ARHGAP15: variants seen among roughly 807,000 people sequenced by gnomAD.
The protein encoded by ARHGAP15 is Rho GTPase activating protein 15.
Under a neutral mutation model 63.7 loss-of-function variants are expected in ARHGAP15, and 51 were observed. That is an observed-to-expected ratio of 0.80 (90% CI 0.64 to 1.01). ARHGAP15 has a LOEUF of 1.01. ARHGAP15 is among the 50% of genes least tolerant of loss of function. The pLI, the probability that ARHGAP15 is intolerant of heterozygous loss-of-function variation, is 0.00. For synonymous variants in ARHGAP15, 191 were observed against 193.8 expected (o/e 0.99, Z 0.12); for missense variants, 560 against 564.6 (o/e 0.99, Z 0.08).
intron 6 of ARHGAP15, among the ~76,000 whole-genome samples, chr2:143,252,281 T>A (rs1235107441): frequency 6.6e-6 from 1 of 151,992 alleles, no homozygotes; most frequent in East Asian, 1.9e-4. Flanking sequence ...ACTATGAACA[T>A]TATATGCACA....
intron 2 of ARHGAP15, among the ~76,000 whole-genome samples, chr2:143,178,738 C>T (rs1691108201): frequency 6.6e-6 from 1 of 152,178 alleles, no homozygotes; most frequent in African/African-American, 2.4e-5. Context: ...GGATTATAGG[C>T]ATAAGCCACT....
At chr2:143,473,275 T>C (rs1314547886) in intron 8 of ARHGAP15, among the ~76,000 whole-genome samples, 4 of 152,222 alleles carry the variant, frequency 2.6e-5, no homozygotes, top group Non-Finnish European at 5.9e-5. Flanking sequence ...CCCTCTGCTT[T>C]CCTTAGCCAT....
At chr2:143,173,097 A>G (rs1363238392) in intron 2 of ARHGAP15, among the ~76,000 whole-genome samples, 1 of 152,042 alleles carries the variant, frequency 6.6e-6, no homozygotes, top group Admixed American at 6.6e-5. Flanking sequence ...ACACACAAAC[A>G]CTTAGGTAAC....
At chr2:143,413,927 T>TTGTGTGTGTGTGTGTGTG (rs1553476588) in intron 6 of ARHGAP15, among the ~76,000 whole-genome samples, 8 of 128,046 alleles carry the variant, frequency 6.2e-5, no homozygotes, top group South Asian at 3.0e-4. Context: ...AGGTAGGTAG[T>TTGTGTGTGTGTGTGTGTG]TGTGTGTGTG....
chr2:143,719,182 A>C (rs1433827441), intron 13 of ARHGAP15, among the ~76,000 whole-genome samples: 3 of 152,228 alleles, frequency 2.0e-5, no homozygotes, highest in Non-Finnish European at 4.4e-5. Context: ...GATGGTCAAT[A>C]GACGCCTCTT....
chr2:143,214,558 G>T (rs900171186), intron 3 of ARHGAP15, among the ~76,000 whole-genome samples: 2 of 152,062 alleles, frequency 1.3e-5, no homozygotes, highest in African/African-American at 4.8e-5. Context: ...AAACAAAAAG[G>T]CACCAGTGAA....
At chr2:143,400,880 G>T (rs1164415149) in intron 6 of ARHGAP15, among the ~76,000 whole-genome samples, 3 of 151,964 alleles carry the variant, frequency 2.0e-5, no homozygotes, top group Non-Finnish European at 2.9e-5. Context: ...ATTGATTTTT[G>T]AGTACATTTC....
intron 6 of ARHGAP15, among the ~76,000 whole-genome samples, chr2:143,284,728 C>T (rs565801590): frequency 1.3e-5 from 2 of 152,180 alleles, no homozygotes; most frequent in Non-Finnish European, 2.9e-5. Context: ...AAACATCACA[C>T]ATTGTAAATC....
At chr2:143,342,845 A>G (rs1460911107) in intron 6 of ARHGAP15, among the ~76,000 whole-genome samples, 2 of 152,066 alleles carry the variant, frequency 1.3e-5, no homozygotes, top group African/African-American at 4.8e-5. Flanking sequence ...CCCTAACAAT[A>G]ATATTGACAA....
In ARHGAP15 at chr2:143,157,641, G is replaced by A. The variant is rs573505200; in HGVS notation, c.165+1986G>A. ...TTTAGTGAGGATGTGTCATTTCACC[G>A]AGAAAACTTGGCTCAGAGATACTGT... is the stretch of plus-strand genomic sequence containing the variant. On this transcript the variant is annotated intron_variant, in intron 2 of 13. Transcript: ENST00000295095. Among the ~76,000 whole-genome samples the A allele has an allele frequency of 9.3e-5, 14 of 151,282 alleles. No homozygotes were observed. In the South Asian group the frequency reaches 2.3e-3, roughly 25 times the overall value.
chr2:143,712,472 T>C (rs1684624203), intron 13 of ARHGAP15, among the ~76,000 whole-genome samples: 1 of 152,028 alleles, frequency 6.6e-6, no homozygotes. Context: ...GAGTTGTTGG[T>C]TTAAAGATGG....
intron 12 of ARHGAP15, among the ~76,000 whole-genome samples, chr2:143,660,063 T>C (rs1471573117): frequency 6.6e-6 from 1 of 152,208 alleles, no homozygotes; most frequent in South Asian, 2.1e-4. Flanking sequence ...GATGTGAGTC[T>C]CAAATGTTTT....
intron 6 of ARHGAP15, among the ~76,000 whole-genome samples, chr2:143,333,508 A>C (rs2105265216): frequency 6.6e-6 from 1 of 152,324 alleles, no homozygotes; most frequent in African/African-American, 2.4e-5. Flanking sequence ...CTTTTGGAGA[A>C]AGCAGGAAAT....
chr2:143,475,549 G>A (rs550315456), intron 8 of ARHGAP15, among the ~76,000 whole-genome samples: 1 of 152,356 alleles, frequency 6.6e-6, no homozygotes, highest in South Asian at 2.1e-4. Flanking sequence ...AAAGGCAAGG[G>A]AGGCTACCAC....
intron 2 of ARHGAP15, among the ~76,000 whole-genome samples, chr2:143,189,299 A>G (rs1442446879): frequency 6.6e-6 from 1 of 152,056 alleles, no homozygotes; most frequent in Non-Finnish European, 1.5e-5. Flanking sequence ...TTCTGTAACT[A>G]TATGGTCCTT....
At chr2:143,363,548 T>C (rs1686156898) in intron 6 of ARHGAP15, among the ~76,000 whole-genome samples, 1 of 152,184 alleles carries the variant, frequency 6.6e-6, no homozygotes, top group African/African-American at 2.4e-5. Flanking sequence ...GTTCTTTATA[T>C]AGTTTTCTTC....
At chr2:143,644,904 A>C (rs1281559996) in intron 12 of ARHGAP15, among the ~76,000 whole-genome samples, 1 of 151,988 alleles carries the variant, frequency 6.6e-6, no homozygotes, top group Admixed American at 6.6e-5. Context: ...AACAACTCAG[A>C]CCCCTTCTAT....
In ARHGAP15 at chr2:143,195,615, G is replaced by A. The variant is rs373926315; in HGVS notation, c.166-6519G>A. Among the ~76,000 whole-genome samples, 11 of 152,262 alleles carry A rather than the reference G, an allele frequency of 7.2e-5. No individual in the cohort carries two copies. The East Asian group carries it at 2.1e-3, about 29-fold the overall frequency. On this transcript the variant is annotated intron_variant, in intron 2 of 13. Transcript: ENST00000295095. ...GGATACACCAAAAAAACTTTTAAGAGACTGTAGAGATAAAAACTAAACTTA... is the reference window on the plus strand; with the variant it reads ...GGATACACCAAAAAAACTTTTAAGAAACTGTAGAGATAAAAACTAAACTTA...
In ARHGAP15 at chr2:143,415,777, T is replaced by C. The variant is rs773731634; in HGVS notation, c.475-19824T>C. Among the ~76,000 whole-genome samples, 4 of 152,182 alleles carry C rather than the reference T, an allele frequency of 2.6e-5. No individual in the cohort carries two copies. In the East Asian group the frequency reaches 7.7e-4, roughly 29 times the overall value. ...AAGAAACTGTGGTATATATATACAA[T>C]GGAATACTACTAAGCCATAAAAATG... On this transcript the variant is annotated intron_variant, in intron 6 of 13. Transcript: ENST00000295095.
Sources: allele counts gnomAD v4.1 joint callset (sites outside exome capture counted in the v4.1 genomes callset), GRCh38; gene constraint gnomAD v4.1.1; transcripts MANE v1.5; gene names NCBI Gene and HGNC (gene_info 2026-07-23, HGNC 2026-07-21).